The following JARID2 variants were observed in gnomAD, a reference collection of about 807,000 sequenced individuals.
JARID2 encodes the protein protein Jumonji.
Under a neutral mutation model 125.6 loss-of-function variants are expected in JARID2, and 21 were observed. That is an observed-to-expected ratio of 0.17 (90% CI 0.12 to 0.24). JARID2 has a LOEUF of 0.24. Among genes scored for constraint, JARID2 ranks in the 10% least tolerant of loss-of-function variants. The probability of loss-of-function intolerance (pLI) is 1.00; values close to 1 mark genes in which losing one functional copy is unlikely to be tolerated. For missense variants in JARID2, 1,303 were observed against 1,639.6 expected, an observed-to-expected ratio of 0.79 and a Z score of 3.55; for synonymous variants, 736 against 661.6, an observed-to-expected ratio of 1.11 and a Z score of -1.73.
Position 15,520,275 on chromosome 6 carries a change from T to C in JARID2, c.*24T>C, listed in dbSNP as rs1455600620. The C allele has an allele frequency of 5.2e-6, 8 of 1,530,826 alleles. No homozygotes were observed. Among genetic ancestry groups the C allele is most frequent in the Non-Finnish European group, 7.0e-6 (8 of 1,140,780 alleles). 94.8% of individuals were successfully genotyped at this position (1,530,826 alleles called of 1,614,324 possible). On this transcript the variant is annotated 3_prime_UTR_variant, in exon 18 of 18. Transcript: ENST00000341776. ...GAAGATGCCAACGCCCGTGGTCGAT[T>C]TATATATATTTTTTTGTAATTATTA...
rs577365876 is a variant in JARID2, at chr6:15,363,702, T to C, written c.46-10415T>C. Among the ~76,000 whole-genome samples the C allele has an allele frequency of 5.3e-5, 8 of 152,196 alleles. No individual in the cohort carries two copies. In the South Asian group the frequency reaches 6.2e-4, roughly 12 times the overall value. Reference sequence around the variant, plus strand: ...TGTGATAAGTATGCTAGTTGAAAAATGTGGAAGAGAATATGTACAGGAAAT... The same window carrying C: ...TGTGATAAGTATGCTAGTTGAAAAACGTGGAAGAGAATATGTACAGGAAAT... On this transcript the variant is annotated intron_variant, in intron 1 of 17. Transcript: ENST00000341776.
At chr6:15,356,130 C>T (rs1043769129) in intron 1 of JARID2, among the ~76,000 whole-genome samples, 7 of 152,312 alleles carry the variant, frequency 4.6e-5, no homozygotes, top group South Asian at 2.1e-4. Flanking sequence ...GGTTCATCCA[C>T]GCTGCCCCAT....
Position 15,520,061 on chromosome 6 carries a change from C to T in JARID2, c.3559-8C>T. On this transcript the variant is annotated splice_polypyrimidine_tract_variant and splice_region_variant and intron_variant, in intron 17 of 17. Transcript: ENST00000341776. ...TGTTAACTGTGTCTTCCTTTCACCCCCAAACAGGAACAGATTATCAGTCTG... is the reference window on the plus strand; with the variant it reads ...TGTTAACTGTGTCTTCCTTTCACCCTCAAACAGGAACAGATTATCAGTCTG... 1.2e-6 allele frequency: 2 copies of T among 1,607,664 alleles called. No individual in the cohort carries two copies. Among genetic ancestry groups the T allele is most frequent in the Admixed American group, 1.7e-5 (1 of 59,070 alleles).
At chr6:15,307,611 C>A (rs992078199) in intron 1 of JARID2, among the ~76,000 whole-genome samples, 1 of 152,132 alleles carries the variant, frequency 6.6e-6, no homozygotes, top group African/African-American at 2.4e-5. Context: ...TCTCCCCCAC[C>A]AGAAAATGTG....
At chr6:15,270,494 T>C (rs1413020752) in intron 1 of JARID2, among the ~76,000 whole-genome samples, 2 of 152,200 alleles carry the variant, frequency 1.3e-5, no homozygotes, top group Non-Finnish European at 2.9e-5. Flanking sequence ...TGCAATCCCT[T>C]GCCCTCATTT....
chr6:15,365,620 CT>C (rs111881842), intron 1 of JARID2, among the ~76,000 whole-genome samples: 4,730 of 145,014 alleles, frequency 0.033, 186 homozygotes, highest in African/African-American at 0.099. Context: ...TCAGCTGCAG[CT>C]TTTTTTTTTT....
chr6:15,280,203 TA>T (rs1391735218), intron 1 of JARID2, among the ~76,000 whole-genome samples: 2 of 151,588 alleles, frequency 1.3e-5, no homozygotes, highest in Non-Finnish European at 2.9e-5. Flanking sequence ...TCAGTAGTAA[TA>T]AAAAAAAACT....
intron 1 of JARID2, among the ~76,000 whole-genome samples, chr6:15,295,626 TC>T (rs1165058669): frequency 6.6e-6 from 1 of 152,158 alleles, no homozygotes; most frequent in African/African-American, 2.4e-5. Context: ...AATACATGTT[TC>T]AATACTGAAT....
At chr6:15,379,333 G>A (rs1031160826) in intron 2 of JARID2, among the ~76,000 whole-genome samples, 3 of 152,148 alleles carry the variant, frequency 2.0e-5, no homozygotes, top group Non-Finnish European at 2.9e-5. Context: ...TCTACTTTTT[G>A]TTGTAGATAA....
intron 3 of JARID2, among the ~76,000 whole-genome samples, chr6:15,434,139 GT>G (rs11296644): frequency 0.54 from 80,515 of 149,458 alleles, 21,945 homozygotes; most frequent in South Asian, 0.63. Context: ...GTTCCTAACA[GT>G]TTTTTTTTTT....
intron 2 of JARID2, among the ~76,000 whole-genome samples, chr6:15,401,623 A>C (rs1326139793): frequency 1.3e-5 from 2 of 152,172 alleles, no homozygotes; most frequent in Non-Finnish European, 2.9e-5. Context: ...ATAGATCCTG[A>C]GACCTGAAGT....
chr6:15,325,019 G>T (rs1282896169), intron 1 of JARID2, among the ~76,000 whole-genome samples: 7 of 152,010 alleles, frequency 4.6e-5, no homozygotes, highest in African/African-American at 1.7e-4. Context: ...GAGTTTTTCT[G>T]TGTATTCGTA....
intron 1 of JARID2, among the ~76,000 whole-genome samples, chr6:15,365,833 C>T (rs2127501155): frequency 6.6e-6 from 1 of 152,196 alleles, no homozygotes; most frequent in South Asian, 2.1e-4. Context: ...AAGTAAGTTT[C>T]TTCTCTCAAG....
Position 15,341,241 on chromosome 6 carries a change from T to C in JARID2, c.46-32876T>C, listed in dbSNP as rs536037056. ...TGCTGCCCAGCCCATTTTTTCTTGC[T>C]TCATGTACCTACTGTTTACATAAAT... On this transcript the variant is annotated intron_variant, in intron 1 of 17. Coordinates refer to ENST00000341776, the MANE Select transcript of JARID2 (RefSeq NM_004973.4). Among the ~76,000 whole-genome samples, 668 of 152,364 alleles carry C rather than the reference T, an allele frequency of 4.4e-3. 4 individuals carry two copies. The highest frequency in any genetic ancestry group is 0.017 in the Middle Eastern group (5 of 294).
chr6:15,458,607 G>C (rs996331546), intron 4 of JARID2, among the ~76,000 whole-genome samples: 1 of 152,152 alleles, frequency 6.6e-6, no homozygotes, highest in Non-Finnish European at 1.5e-5. Flanking sequence ...AAACAGATTA[G>C]ACACAGGAAA....
intron 1 of JARID2, among the ~76,000 whole-genome samples, chr6:15,306,899 TTATA>T (rs1299196180): frequency 6.7e-6 from 1 of 148,174 alleles, no homozygotes; most frequent in Non-Finnish European, 1.5e-5. Context: ...AATTACATTA[TTATA>T]TATAATCAAT....
chr6:15,520,338 G>A lies in JARID2; in HGVS notation c.*87G>A. ...GAGTACTTGCTGTAGGATTCAAGCT[G>A]TCTTTGCACTAGCTCTAAAGAAGAT... On this transcript the variant is annotated 3_prime_UTR_variant, in exon 18 of 18. Transcript: ENST00000341776. 1 of 976,016 alleles carries A rather than the reference G, an allele frequency of 1.0e-6. No homozygotes were observed. The highest frequency in any genetic ancestry group is 1.4e-6 in the Non-Finnish European group (1 of 689,678). The allele number at this position is 976,016 out of a possible 1,614,324, so 60.5% of individuals were successfully genotyped here. A position where few individuals can be genotyped will look rare whatever the true frequency, so the allele number is the denominator to read the frequency against.
intron 1 of JARID2, among the ~76,000 whole-genome samples, chr6:15,283,121 G>C (rs9396580): frequency 0.064 from 9,684 of 151,580 alleles, 398 homozygotes; most frequent in East Asian, 0.25. Flanking sequence ...TGGGACTACA[G>C]GCGCCCGCCA....
intron 1 of JARID2, chr6:15,368,825 T>G (rs1764065893): frequency 2.3e-6 from 1 of 443,766 alleles, no homozygotes; most frequent in East Asian, 7.0e-5. Flanking sequence ...ATCTTTTCTT[T>G]CTGATGTATA....
Sources: allele counts gnomAD v4.1 joint callset (sites outside exome capture counted in the v4.1 genomes callset), GRCh38; gene constraint gnomAD v4.1.1; transcripts MANE v1.5; gene names NCBI Gene and HGNC (gene_info 2026-07-23, HGNC 2026-07-21).